Variants in HSPBAP1 observed in about 807,000 individuals in gnomAD.
HSPBAP1 encodes the protein HSPB1 associated protein 1.
Under a neutral mutation model 45.2 loss-of-function variants are expected in HSPBAP1, and 27 were observed. The ratio of observed to expected loss-of-function variants is 0.60; its 90% CI spans 0.44 to 0.82. The LOEUF is 0.82. HSPBAP1 is among the 40% of genes least tolerant of loss of function. HSPBAP1 has a pLI of 0.00. For synonymous variants in HSPBAP1, 204 were observed against 202.7 expected, an observed-to-expected ratio of 1.01 and a Z score of -0.06; for missense variants, 510 against 590.9, an observed-to-expected ratio of 0.86 and a Z score of 1.42.
At chr3:122,770,477 C>T (rs1483087126) in intron 2 of HSPBAP1, among the ~76,000 whole-genome samples, 1 of 152,016 alleles carries the variant, frequency 6.6e-6, no homozygotes, top group Non-Finnish European at 1.5e-5. Flanking sequence ...GGTGGGAGGA[C>T]TACTTGAGCC....
intron 6 of HSPBAP1, among the ~76,000 whole-genome samples, chr3:122,745,125 T>A (rs1933800481): frequency 6.6e-6 from 1 of 152,182 alleles, no homozygotes; most frequent in African/African-American, 2.4e-5. Context: ...ATCTCCCCTA[T>A]TATTAATGAA....
intron 6 of HSPBAP1, among the ~76,000 whole-genome samples, chr3:122,744,645 T>A (rs1933783129): frequency 1.3e-5 from 2 of 152,350 alleles, no homozygotes; most frequent in South Asian, 4.1e-4. Context: ...ATGAAGTTCT[T>A]AGCTACCATA....
chr3:122,748,246 G>C (rs74520861), intron 6 of HSPBAP1, among the ~76,000 whole-genome samples: 1 of 152,138 alleles, frequency 6.6e-6, no homozygotes, highest in African/African-American at 2.4e-5. Flanking sequence ...AAACACTGCG[G>C]AAGGCCGCAG....
At chr3:122,743,176 C>T (rs911390594) in intron 6 of HSPBAP1, among the ~76,000 whole-genome samples, 2 of 152,200 alleles carry the variant, frequency 1.3e-5, no homozygotes, top group Non-Finnish European at 2.9e-5. Flanking sequence ...CCATTGTACA[C>T]ATATACCACA....
chr3:122,746,438 T>C (rs928349057), intron 6 of HSPBAP1, among the ~76,000 whole-genome samples: 9 of 144,118 alleles, frequency 6.2e-5, no homozygotes, highest in Non-Finnish European at 9.1e-5. Flanking sequence ...CCTCACTAAA[T>C]AAATAGGCAG....
At position 122,759,302 on chromosome 3, in the gene HSPBAP1, C is replaced by T; in HGVS notation, c.491G>A (p.Trp164Ter). 6.2e-7 allele frequency: 1 copy of T among 1,613,912 alleles called. No individual in the cohort carries two copies. The highest frequency in any genetic ancestry group is 8.5e-7 in the Non-Finnish European group (1 of 1,179,908). The stretch of plus-strand genomic sequence containing the variant: ...TGTGTGGGCTCCCAAGGAGCCAATC[C>T]ACAATGTACTTTCCTGTCCATTTCT... ...PGRNGQESTLWIGSLGAHTPC... is the reference protein window; with the variant it reads ...PGRNGQESTL The change falls in exon 4 of 8, where the codon TGG becomes TAG. Residue 164 changes from tryptophan (W) to a stop codon, truncating the protein, a stop_gained. Coordinates refer to ENST00000306103, the MANE Select transcript of HSPBAP1 (RefSeq NM_024610.6). LOFTEE classifies it high-confidence loss of function.
chr3:122,746,384 C>G (rs1933853917), intron 6 of HSPBAP1, among the ~76,000 whole-genome samples: 1 of 145,450 alleles, frequency 6.9e-6, no homozygotes, highest in African/African-American at 2.6e-5. Flanking sequence ...AAAAACCCTG[C>G]AAAACAAAGC....
intron 1 of HSPBAP1, among the ~76,000 whole-genome samples, chr3:122,779,194 A>C (rs1429771742): frequency 6.6e-6 from 1 of 151,696 alleles, no homozygotes; most frequent in Non-Finnish European, 1.5e-5. Flanking sequence ...GGCACCCGCC[A>C]CCTCGCCAGG....
intron 3 of HSPBAP1, among the ~76,000 whole-genome samples, chr3:122,768,021 C>T (rs893794483): frequency 2.0e-4 from 31 of 152,254 alleles, no homozygotes; most frequent in African/African-American, 6.7e-4. Context: ...CACATGGCAA[C>T]AAGAGCAGGG....
intron 4 of HSPBAP1, chr3:122,758,700 C>T (rs1471409722): frequency 2.2e-6 from 1 of 453,198 alleles, no homozygotes; most frequent in Non-Finnish European, 4.4e-6. Flanking sequence ...TGAGGCCATA[C>T]TTGGGCAACA....
intron 2 of HSPBAP1, among the ~76,000 whole-genome samples, chr3:122,774,315 C>T (rs73856709): frequency 0.025 from 3,759 of 152,118 alleles, 146 homozygotes; most frequent in African/African-American, 0.083. Flanking sequence ...GACATTTAAG[C>T]TAAGATCTGA....
chr3:122,790,543 T>C lies in HSPBAP1; in HGVS notation c.64+3074A>G, dbSNP rs183795406. On this transcript the variant is annotated intron_variant, in intron 1 of 7. Transcript: ENST00000306103. ...CTTTAGGATATGTCTTATACTACTG[T>C]TCTTTTTATCTATGTCTTTATTGCC... is the stretch of plus-strand genomic sequence containing the variant. Among the ~76,000 whole-genome samples the C allele has an allele frequency of 2.6e-5, 4 of 152,388 alleles. No individual in the cohort carries two copies. In the East Asian group the frequency reaches 7.7e-4, roughly 29 times the overall value.
chr3:122,753,386 T>A (rs2107506524), intron 5 of HSPBAP1: 1 of 386,246 alleles, frequency 2.6e-6, no homozygotes, highest in Non-Finnish European at 2.9e-6. Context: ...GACAGCGGAC[T>A]TCAGAATCTA....
At chr3:122,761,016 A>C (rs1934563164) in intron 3 of HSPBAP1, among the ~76,000 whole-genome samples, 1 of 152,160 alleles carries the variant, frequency 6.6e-6, no homozygotes, top group Non-Finnish European at 1.5e-5. Flanking sequence ...CTCTGACACA[A>C]GTATGCAGGG....
chr3:122,784,979 G>A (rs1300412222), intron 1 of HSPBAP1, among the ~76,000 whole-genome samples: 2 of 152,200 alleles, frequency 1.3e-5, no homozygotes, highest in African/African-American at 2.4e-5. Context: ...ATTAATTGAA[G>A]GAAGAAATGG....
intron 1 of HSPBAP1, among the ~76,000 whole-genome samples, chr3:122,780,423 CA>C: frequency 8.2e-6 from 1 of 121,886 alleles, no homozygotes; most frequent in Non-Finnish European, 1.8e-5. Flanking sequence ...GCTGGCCGGG[CA>C]GAGGGGCTCC....
intron 6 of HSPBAP1, among the ~76,000 whole-genome samples, chr3:122,742,579 T>C (rs1297135097): frequency 6.6e-6 from 1 of 152,208 alleles, no homozygotes; most frequent in East Asian, 1.9e-4. Context: ...CACCCAGTTG[T>C]TTGGTCAAAC....
intron 1 of HSPBAP1, among the ~76,000 whole-genome samples, chr3:122,788,806 G>A (rs1421347975): frequency 6.6e-6 from 1 of 152,134 alleles, no homozygotes; most frequent in East Asian, 1.9e-4. Context: ...AGGAGAAAGG[G>A]AAGTTATTGT....
chr3:122,773,356 T>C (rs1415633371), intron 2 of HSPBAP1, among the ~76,000 whole-genome samples: 1 of 138,232 alleles, frequency 7.2e-6, no homozygotes, highest in African/African-American at 2.7e-5. Flanking sequence ...GTGGCCCAGG[T>C]TGGAGTGCAG....
Sources: allele counts gnomAD v4.1 joint callset (sites outside exome capture counted in the v4.1 genomes callset), GRCh38; gene constraint gnomAD v4.1.1; transcripts MANE v1.5; gene names NCBI Gene and HGNC (gene_info 2026-07-23, HGNC 2026-07-21).